The following KCNH1 variants were observed in gnomAD, a reference collection of about 807,000 sequenced individuals.
KCNH1 encodes voltage-gated delayed rectifier potassium channel KCNH1.
KCNH1 carries 27 observed loss-of-function variants against 69.2 expected under a neutral mutation model. That is an observed-to-expected ratio of 0.39 (90% CI 0.29 to 0.54). The LOEUF (loss-of-function observed/expected upper bound fraction) is 0.54, where lower values mean the gene tolerates loss of function less well. KCNH1 is among the 20% of genes least tolerant of loss of function. The pLI, the probability that KCNH1 is intolerant of heterozygous loss-of-function variation, is 0.68. For missense variants in KCNH1, 798 were observed against 1,261.6 expected (o/e 0.63, Z 5.57); for synonymous variants, 456 against 487.7 (o/e 0.93, Z 0.86).
At chr1:210,795,443 G>A (rs114998976) in intron 9 of KCNH1, among the ~76,000 whole-genome samples, 3,344 of 151,952 alleles carry the variant, frequency 0.022, 116 homozygotes, top group African/African-American at 0.07. Context: ...CACTGCACCC[G>A]ACCACCCCGC....
intron 4 of KCNH1, 25 bp from the exon 5 acceptor site, chr1:211,082,923 G>T (rs750610258): frequency 1.8e-5 from 28 of 1,590,258 alleles, no homozygotes; most frequent in Non-Finnish European, 2.4e-5. Flanking sequence ...AGAGTGAAAA[G>T]ACAGGGTCAA....
chr1:211,026,728 T>A (rs1400556257), intron 5 of KCNH1, among the ~76,000 whole-genome samples: 3 of 152,162 alleles, frequency 2.0e-5, no homozygotes, highest in Non-Finnish European at 4.4e-5. Context: ...CTCAATGGGA[T>A]GGTCAGAGGA....
intron 6 of KCNH1, among the ~76,000 whole-genome samples, chr1:210,942,032 G>C (rs1687885552): frequency 6.6e-6 from 1 of 152,092 alleles, no homozygotes; most frequent in Non-Finnish European, 1.5e-5. Context: ...ACTGCCATTA[G>C]GCCTTCTGAG....
rs1049635054 is a variant in KCNH1 at position 211,031,291 on chromosome 1, C to T, written c.559-12035G>A. 2.6e-5 allele frequency among the ~76,000 whole-genome samples: 4 copies of T among 152,160 alleles called. No homozygotes were observed. The South Asian group carries it at 8.3e-4, about 31-fold the overall frequency. On this transcript the variant is annotated intron_variant, in intron 5 of 10. Coordinates refer to ENST00000271751, the MANE Select transcript of KCNH1 (RefSeq NM_172362.3). ...AAAAAAGTCCAGAACCAGATGGATT[C>T]ACAGCCAAATTCTACCAGAGGTACA...
At chr1:211,064,268 T>A (rs1690487613) in intron 5 of KCNH1, among the ~76,000 whole-genome samples, 1 of 152,146 alleles carries the variant, frequency 6.6e-6, no homozygotes, top group South Asian at 2.1e-4. Context: ...GTTAAAAAAA[T>A]CAAGTGAATT....
At chr1:210,736,548 CCA>C (rs1558447357) in intron 10 of KCNH1, among the ~76,000 whole-genome samples, 2 of 142,524 alleles carry the variant, frequency 1.4e-5, no homozygotes, top group African/African-American at 2.5e-5. Context: ...CATCCCCCCT[CCA>C]AAAAAAAATT....
At position 211,052,344 on chromosome 1, in the gene KCNH1, A is replaced by AC. The variant is rs1249544777; in HGVS notation, c.558+30435dup. Among the ~76,000 whole-genome samples, 10 of 152,214 alleles carry AC rather than the reference A, an allele frequency of 6.6e-5. No homozygotes were observed. The East Asian group carries it at 1.9e-3, about 29-fold the overall frequency. On this transcript the variant is annotated intron_variant, in intron 5 of 10. Transcript: ENST00000271751. Reference sequence around the variant, plus strand: ...GTACCATGAAGCGGTCGTCCAAAACACCCCAGTAATAGCACACTTACAACC... The same window carrying AC: ...GTACCATGAAGCGGTCGTCCAAAACACCCCCAGTAATAGCACACTTACAACC...
chr1:211,033,938 A>G (rs1689846791), intron 5 of KCNH1, among the ~76,000 whole-genome samples: 1 of 152,118 alleles, frequency 6.6e-6, no homozygotes, highest in Non-Finnish European at 1.5e-5. Flanking sequence ...TGACAACACC[A>G]ACTGCTGGTG....
At chr1:210,956,021 A>G (rs1350188264) in intron 6 of KCNH1, among the ~76,000 whole-genome samples, 1 of 152,164 alleles carries the variant, frequency 6.6e-6, no homozygotes, top group African/African-American at 2.4e-5. Flanking sequence ...CCCATTCAGT[A>G]TGATATTGGC....
intron 7 of KCNH1, among the ~76,000 whole-genome samples, chr1:210,834,964 G>C (rs981959698): frequency 1.3e-5 from 2 of 152,122 alleles, no homozygotes; most frequent in Non-Finnish European, 2.9e-5. Flanking sequence ...CAGCTACCTT[G>C]TATGGCTGAC....
At chr1:210,915,447 C>A (rs1265375504) in intron 7 of KCNH1, among the ~76,000 whole-genome samples, 1 of 152,052 alleles carries the variant, frequency 6.6e-6, no homozygotes, top group African/African-American at 2.4e-5. Context: ...CTTGGCATTA[C>A]CAATGCATAG....
intron 6 of KCNH1, among the ~76,000 whole-genome samples, chr1:210,996,919 G>A (rs897805051): frequency 1.3e-5 from 2 of 152,204 alleles, no homozygotes; most frequent in African/African-American, 4.8e-5. Context: ...ATCTGGAGTG[G>A]ACCTCTAGCA....
At chr1:210,688,144 T>A (rs1275757517) in intron 10 of KCNH1, among the ~76,000 whole-genome samples, 1 of 152,176 alleles carries the variant, frequency 6.6e-6, no homozygotes. Flanking sequence ...GGGGAAGACA[T>A]TATATGCAGC....
intron 8 of KCNH1, among the ~76,000 whole-genome samples, chr1:210,800,466 A>G (rs961033190): frequency 1.3e-5 from 2 of 152,180 alleles, no homozygotes; most frequent in African/African-American, 4.8e-5. Flanking sequence ...AGAGGCTGCT[A>G]GTGAATGAGG....
chr1:210,808,964 C>A lies in KCNH1; in HGVS notation c.1463-4798G>T, dbSNP rs1395319646. ...TTATGGATGCCTCCAAATGTGGATT[C>A]TTTGGGTCCTTCTATTTTCAGAAAG... On this transcript the variant is annotated intron_variant, in intron 7 of 10. Transcript: ENST00000271751. 1.2e-4 allele frequency among the ~76,000 whole-genome samples: 19 copies of A among 152,046 alleles called. 1 individual carries two copies. The highest frequency in any genetic ancestry group is 1.2e-3 in the Admixed American group (19 of 15,258).
At chr1:210,872,610 C>A (rs1013445253) in intron 7 of KCNH1, among the ~76,000 whole-genome samples, 3 of 152,022 alleles carry the variant, frequency 2.0e-5, no homozygotes, top group African/African-American at 7.2e-5. Flanking sequence ...ACAATCATGG[C>A]AAAAGGTAAA....
rs192782532 is a variant in KCNH1 at position 210,934,882 on chromosome 1, T to C, written c.1033-14813A>G. ...ATAAATAATATATATTGCTTGTATATATACAAGCAATATAAATTGGTTCAG... is the reference window on the plus strand; with the variant it reads ...ATAAATAATATATATTGCTTGTATACATACAAGCAATATAAATTGGTTCAG... On this transcript the variant is annotated intron_variant, in intron 6 of 10. Coordinates refer to ENST00000271751, the MANE Select transcript of KCNH1 (RefSeq NM_172362.3). 6.0e-3 allele frequency among the ~76,000 whole-genome samples: 913 copies of C among 151,928 alleles called. 9 individuals are homozygous for C. The highest frequency in any genetic ancestry group is 0.021 in the African/African-American group (870 of 41,450).
intron 6 of KCNH1, among the ~76,000 whole-genome samples, chr1:210,944,761 A>C (rs1687929019): frequency 1.3e-5 from 2 of 152,234 alleles, no homozygotes; most frequent in South Asian, 4.1e-4. Flanking sequence ...TAAAAAATAT[A>C]TAATATAAAA....
intron 7 of KCNH1, among the ~76,000 whole-genome samples, chr1:210,885,797 G>A (rs865951623): frequency 6.6e-6 from 1 of 152,192 alleles, no homozygotes; most frequent in Non-Finnish European, 1.5e-5. Context: ...ACTGGGCGAA[G>A]CACACCAAAG....
Sources: gnomAD v4.1 joint callset for allele counts (sites outside exome capture counted in the v4.1 genomes callset) on GRCh38, gnomAD v4.1.1 for gene constraint, MANE v1.5 for transcripts, NCBI Gene and HGNC (gene_info 2026-07-23, HGNC 2026-07-21) for gene names.